The following WASF3 variants were observed in gnomAD, a reference collection of about 807,000 sequenced individuals.
WASF3 encodes the protein WASP family member 3, also known as actin-binding protein WASF3.
In WASF3, 11 loss-of-function variants were observed where a neutral mutation model predicts 46.6. The ratio of observed to expected loss-of-function variants is 0.24; its 90% CI spans 0.15 to 0.39. The LOEUF (loss-of-function observed/expected upper bound fraction) is 0.39, where lower values mean the gene tolerates loss of function less well. Ranked by LOEUF, WASF3 falls within the 10% of genes least tolerant of loss-of-function variation. The pLI is 1.00. For synonymous variants in WASF3, 242 were observed against 259.7 expected (o/e 0.93, Z 0.65); for missense variants, 576 against 669.8 (o/e 0.86, Z 1.55).
At position 26,642,361 on chromosome 13, in the gene WASF3, A is replaced by G; in HGVS notation, c.91A>G (p.Asn31Asp). The G allele has an allele frequency of 1.4e-5, 22 of 1,611,544 alleles. No individual in the cohort carries two copies. Among genetic ancestry groups the G allele is most frequent in the Non-Finnish European group, 1.8e-5 (21 of 1,179,088 alleles). Reference sequence around the variant, plus strand: ...TACCAGCGAACTTGAATGTGTAACCAATAGTACTCTTGCCGCTATCATACG... The same window carrying G: ...TACCAGCGAACTTGAATGTGTAACCGATAGTACTCTTGCCGCTATCATACG... ...GITSELECVT[N>D]STLAAIIRQL... The change falls in exon 3 of 10, where the codon AAT becomes GAT. Residue 31 changes from asparagine to aspartate, a missense_variant. Physicochemically the swap from Asn to Asp is conservative, Grantham distance 23. Coordinates refer to ENST00000335327, the MANE Select transcript of WASF3 (RefSeq NM_006646.6).
intron 1 of WASF3, among the ~76,000 whole-genome samples, chr13:26,586,846 A>G (rs1880142027): frequency 6.6e-6 from 1 of 152,076 alleles, no homozygotes; most frequent in Admixed American, 6.6e-5. Context: ...TGTACTGACA[A>G]TTTTTTTGGT....
At chr13:26,592,514 C>G (rs1430381062) in intron 1 of WASF3, among the ~76,000 whole-genome samples, 1 of 152,124 alleles carries the variant, frequency 6.6e-6, no homozygotes, top group Non-Finnish European at 1.5e-5. Context: ...CCTGCGAGTT[C>G]TTTGTCCTCA....
intron 8 of WASF3, among the ~76,000 whole-genome samples, chr13:26,681,932 G>A (rs778361964): frequency 5.9e-5 from 9 of 152,058 alleles, no homozygotes; most frequent in African/African-American, 1.2e-4. Context: ...GAAAATTACC[G>A]TGTGTTGGTG....
intron 2 of WASF3, among the ~76,000 whole-genome samples, chr13:26,626,971 A>G (rs996518622): frequency 1.3e-5 from 2 of 152,192 alleles, no homozygotes; most frequent in Non-Finnish European, 2.9e-5. Context: ...TTCGCTACCC[A>G]GTTTGCTGTA....
chr13:26,577,493 AT>A, intron 1 of WASF3: 3 of 1,214,182 alleles, frequency 2.5e-6, no homozygotes, highest in Non-Finnish European at 2.4e-6. Context: ...TTGCCAATCC[AT>A]TTATCCTCTC....
In WASF3 at chr13:26,680,105, A is replaced by AAG. The variant is rs1373415206; in HGVS notation, c.717-946_717-945dup. Reference sequence around the variant, plus strand: ...GTGAGAAAAGTCAGAACAAGAAAAGAAGAGTGGGAGAGAAGGAAAATGGGC... The same window carrying AAG: ...GTGAGAAAAGTCAGAACAAGAAAAGAAGAGAGTGGGAGAGAAGGAAAATGGGC... On this transcript the variant is annotated intron_variant, in intron 7 of 9. Transcript: ENST00000335327. The AAG allele has an allele frequency of 5.0e-6, 8 of 1,598,226 alleles. No homozygotes were observed. The African/African-American group carries it at 8.0e-5, about 16-fold the overall frequency.
chr13:26,606,354 G>GTGTGTT (rs1880798276), intron 1 of WASF3, among the ~76,000 whole-genome samples: 1 of 148,876 alleles, frequency 6.7e-6, no homozygotes, highest in Non-Finnish European at 1.5e-5. Flanking sequence ...GTGTGTGTGT[G>GTGTGTT]TGTGTGTGTG....
chr13:26,565,340 A>G (rs887329441), intron 1 of WASF3, among the ~76,000 whole-genome samples: 20 of 152,128 alleles, frequency 1.3e-4, no homozygotes, highest in African/African-American at 4.6e-4. Context: ...GTATGTTTAT[A>G]TTGTTCTGAG....
chr13:26,677,513 G>A (rs1031775310), intron 7 of WASF3, among the ~76,000 whole-genome samples: 1 of 152,174 alleles, frequency 6.6e-6, no homozygotes, highest in African/African-American at 2.4e-5. Flanking sequence ...CAGCAACCTG[G>A]ACTTTGGGTT....
At chr13:26,594,285 T>C (rs1299995779) in intron 1 of WASF3, among the ~76,000 whole-genome samples, 1 of 152,184 alleles carries the variant, frequency 6.6e-6, no homozygotes, top group Non-Finnish European at 1.5e-5. Context: ...AACTCTGCAT[T>C]TGTTAGATAT....
chr13:26,578,606 C>T (rs140064394), intron 1 of WASF3, among the ~76,000 whole-genome samples: 55 of 152,284 alleles, frequency 3.6e-4, no homozygotes, highest in African/African-American at 1.2e-3. Context: ...AGAAGGAAAG[C>T]ATAAGGAATA....
intron 1 of WASF3, among the ~76,000 whole-genome samples, chr13:26,596,344 A>T (rs551397580): frequency 1.2e-3 from 174 of 147,340 alleles, no homozygotes; most frequent in South Asian, 1.0e-2. Context: ...TTTTTTTTTT[A>T]AAAAAAGCTA....
At chr13:26,564,020 T>C (rs1879382177) in intron 1 of WASF3, among the ~76,000 whole-genome samples, 1 of 152,210 alleles carries the variant, frequency 6.6e-6, no homozygotes. Context: ...TGTTGTGTTA[T>C]ATGTTCTTGA....
intron 3 of WASF3, among the ~76,000 whole-genome samples, chr13:26,658,709 A>G (rs1882537500): frequency 6.6e-6 from 1 of 152,194 alleles, no homozygotes; most frequent in African/African-American, 2.4e-5. Context: ...AGCAGTGCAG[A>G]GGTGAAAGGC....
chr13:26,645,210 T>C (rs1389867197), intron 3 of WASF3, among the ~76,000 whole-genome samples: 1 of 152,164 alleles, frequency 6.6e-6, no homozygotes, highest in African/African-American at 2.4e-5. Flanking sequence ...TCAATAAGAT[T>C]AGTGCCCTTA....
chr13:26,679,955 G>A lies in WASF3; in HGVS notation c.717-1099G>A. On this transcript the variant is annotated intron_variant, in intron 7 of 9. Coordinates refer to ENST00000335327, the MANE Select transcript of WASF3 (RefSeq NM_006646.6). This position sits in a 1 kb window ranked among gnomAD's most constrained non-coding sequence, Gnocchi z 4.8. Reference sequence around the variant, plus strand: ...CCCCAGTTAAGAAAAGCTACCAACTGGAATCCCAAAGATGGAAATGCAGCG... The same window carrying A: ...CCCCAGTTAAGAAAAGCTACCAACTAGAATCCCAAAGATGGAAATGCAGCG... 1 of 1,512,364 alleles carries A rather than the reference G, an allele frequency of 6.6e-7. No individual in the cohort carries two copies. The highest frequency in any genetic ancestry group is 8.8e-7 in the Non-Finnish European group (1 of 1,130,550). The allele number at this position is 1,512,364 out of a possible 1,614,324, so 93.7% of individuals were successfully genotyped here. A position where few individuals can be genotyped will look rare whatever the true frequency, so the allele number is the denominator to read the frequency against.
At chr13:26,558,312 G>C (rs557669) in intron 1 of WASF3, among the ~76,000 whole-genome samples, 150,498 of 152,304 alleles carry the variant, frequency 0.99, 74,382 homozygotes, top group East Asian at 1. Context: ...TTCGGCCCTC[G>C]CCGCCCTGGC....
At chr13:26,641,265 T>G (rs1413757589) in intron 2 of WASF3, 1 of 152,214 alleles carries the variant, frequency 6.6e-6, no homozygotes, top group Non-Finnish European at 1.5e-5. Context: ...CAATTCCCGT[T>G]TCGCACTTAC....
intron 1 of WASF3, among the ~76,000 whole-genome samples, chr13:26,566,802 C>T (rs758469963): frequency 1.9e-4 from 29 of 152,314 alleles, no homozygotes; most frequent in Non-Finnish European, 3.4e-4. Flanking sequence ...CAGAGCTATA[C>T]GCCGCAGGAG....
Sources: allele counts gnomAD v4.1 joint callset (sites outside exome capture counted in the v4.1 genomes callset), GRCh38; gene constraint gnomAD v4.1.1; non-coding constraint Gnocchi (gnomAD v3.1); transcripts MANE v1.5; gene names NCBI Gene and HGNC (gene_info 2026-07-23, HGNC 2026-07-21).